The following TEDC1 variants were observed in gnomAD, a reference collection of about 807,000 sequenced individuals.
The protein encoded by TEDC1 is tubulin epsilon and delta complex protein 1.
In TEDC1, 54 loss-of-function variants were observed where a neutral mutation model predicts 59.9. That is an observed-to-expected ratio of 0.90 (90% confidence interval 0.72 to 1.13). The LOEUF is 1.13. Ranked by LOEUF, TEDC1 falls within the 50% of genes most tolerant of loss-of-function variation. The pLI is 0.00. For synonymous variants in TEDC1, 353 were observed against 298.1 expected (o/e 1.18, Z -1.90); for missense variants, 734 against 683.4 (o/e 1.07, Z -0.83).
rs782358864 is a variant in TEDC1 at position 105,498,909 on chromosome 14, G to C, written c.1451G>C (p.Arg484Pro). ...GAACTGGCCAGGCTGGTGGGAGCCC[G>C]CCCTGGTCTCATCTGGATCCCGCCA... ...RQELARLVGA[R>P]PGLIWIPPPG... is the part of the protein sequence containing the mutation. Residue 484 changes from arginine to proline, a missense_variant, in exon 9 of 9, where the codon CGC (arginine) becomes CCC (proline). Coordinates refer to ENST00000392523, the MANE Select transcript of TEDC1 (RefSeq NM_001367178.1). The C allele has an allele frequency of 8.7e-6, 14 of 1,610,516 alleles. No individual in the cohort carries two copies. Among genetic ancestry groups the C allele is most frequent in the Non-Finnish European group, 1.1e-5 (13 of 1,179,364 alleles).
chr14:105,490,886 G>C (rs1277996444), upstream of TEDC1: 3 of 859,756 alleles, frequency 3.5e-6, no homozygotes, highest in South Asian at 3.1e-5. Flanking sequence ...GGGGCGTGAG[G>C]CGCTGATGGG....
intron 8 of TEDC1, 111 bp downstream of exon 8, chr14:105,498,088 C>T (rs2084388399): frequency 2.3e-6 from 3 of 1,306,346 alleles, no homozygotes; most frequent in Non-Finnish European, 3.0e-6. Context: ...TCAAGCATGG[C>T]AGGGGACACA....
intron 2 of TEDC1, 103 bp from the exon 3 acceptor site, chr14:105,492,004 C>A: frequency 1.7e-6 from 2 of 1,206,164 alleles, no homozygotes; most frequent in Non-Finnish European, 2.3e-6. Flanking sequence ...CTGAACTAGG[C>A]CTTGAGCTTC....
In TEDC1 at chr14:105,493,882, T is replaced by C; in HGVS notation, c.633T>C (p.His211=). 1 of 1,604,466 alleles carries C rather than the reference T, an allele frequency of 6.2e-7. No individual in the cohort carries two copies. The highest frequency in any genetic ancestry group is 8.5e-7 in the Non-Finnish European group (1 of 1,179,378). The part of the protein sequence containing the change: ...RGCHSDQSLS[H]LSVTEAEMLR... The stretch of plus-strand genomic sequence containing the variant: ...GCCACAGCGACCAGAGCCTTAGCCA[T>C]CTGTCTGTCACTGAAGCAGAGATGC... The change falls in exon 5 of 9, where the codon CAT becomes CAC. Residue 211 remains histidine (H), a synonymous_variant. Transcript: ENST00000392523.
chr14:105,497,786 G>T lies in TEDC1; in HGVS notation c.979-12G>T. On this transcript the variant is annotated splice_polypyrimidine_tract_variant and intron_variant, in intron 7 of 8. Coordinates refer to ENST00000392523, the MANE Select transcript of TEDC1 (RefSeq NM_001367178.1). ...TGGCTTGGTGCACGCTGTCTCACTT[G>T]GGTCTCTGTAGGACACGGTCCTGGG... is the stretch of plus-strand genomic sequence containing the variant. The T allele has an allele frequency of 6.5e-7, 1 of 1,531,366 alleles. No homozygotes were observed. Among genetic ancestry groups the T allele is most frequent in the East Asian group, 2.4e-5 (1 of 42,200 alleles). 94.9% of individuals were successfully genotyped at this position (1,531,366 alleles called of 1,614,324 possible).
Position 105,498,610 on chromosome 14 carries a change from C to T in TEDC1, c.1159-7C>T, listed in dbSNP as rs782746734. The T allele has an allele frequency of 5.6e-5, 86 of 1,531,618 alleles. 1 individual carries two copies. In the South Asian group the frequency reaches 9.9e-4, roughly 18 times the overall value. The allele number at this position is 1,531,618 out of a possible 1,614,324, so 94.9% of individuals were successfully genotyped here. A position where few individuals can be genotyped will look rare whatever the true frequency, so the allele number is the denominator to read the frequency against. Reference sequence around the variant, plus strand: ...GGACAGAGCCATTGCCATTGTGTCCCACGCAGGCTGGAGGCTGTGGACGGG... The same window carrying T: ...GGACAGAGCCATTGCCATTGTGTCCTACGCAGGCTGGAGGCTGTGGACGGG... On this transcript the variant is annotated splice_polypyrimidine_tract_variant and splice_region_variant and intron_variant, in intron 8 of 8. Transcript: ENST00000392523.
chr14:105,490,739 C>G (rs868947767), upstream of TEDC1: 3 of 434,216 alleles, frequency 6.9e-6, no homozygotes, highest in South Asian at 6.4e-5. Flanking sequence ...GCGCGGCGGG[C>G]TCTGGGCGCC....
At chr14:105,490,903 C>T (rs1394346890), upstream of TEDC1, 3 of 973,128 alleles carry the variant, frequency 3.1e-6, no homozygotes, top group African/African-American at 4.8e-5. Context: ...TGGGTGGGGT[C>T]TGAGCGAGGC....
chr14:105,496,308 TG>T, intron 6 of TEDC1: 1 of 566,830 alleles, frequency 1.8e-6, no homozygotes, highest in Non-Finnish European at 3.1e-6. Context: ...GGTGGGCAGG[TG>T]GGCTGCAGCC....
chr14:105,497,661 C>T (rs587595777), intron 7 of TEDC1, 137 bp from the exon 8 acceptor site: 2 of 1,230,608 alleles, frequency 1.6e-6, no homozygotes, highest in Middle Eastern at 2.2e-4. Flanking sequence ...GGCCTTTGTG[C>T]CTCCCTGGAC....
rs1555440998 is a variant in TEDC1 at position 105,498,628 on chromosome 14, T to C, written c.1170T>C (p.Cys390=). The C allele has an allele frequency of 3.2e-6, 5 of 1,546,362 alleles. No homozygotes were observed. The highest frequency in any genetic ancestry group is 3.9e-5 in the Admixed American group (2 of 51,252). Residue 390 remains cysteine (C), a synonymous_variant, in exon 9 of 9, where the codon TGT becomes TGC. Coordinates refer to ENST00000392523, the MANE Select transcript of TEDC1 (RefSeq NM_001367178.1). ...RAAWEAKAGG[C]GRGPEWSAAR... Reference sequence around the variant, plus strand: ...TGTGTCCCACGCAGGCTGGAGGCTGTGGACGGGGGCCAGAGTGGAGTGCCG... The same window carrying C: ...TGTGTCCCACGCAGGCTGGAGGCTGCGGACGGGGGCCAGAGTGGAGTGCCG...
rs1339969591 is a variant in TEDC1, at chr14:105,491,481, C to T, written c.106C>T (p.Pro36Ser). The change falls in exon 1 of 9, where the codon CCC becomes TCC. Residue 36 changes from proline to serine, a missense_variant. Coordinates refer to ENST00000392523, the MANE Select transcript of TEDC1 (RefSeq NM_001367178.1). The stretch of plus-strand genomic sequence containing the variant: ...TCGGTCGCTGCCCTCGGGACCCAGC[C>T]CCGAGATCTTCCGCCGCGCCAAGTT... ...LSRSLPSGPS[P>S]EIFRRAKFDR... 4 of 1,487,764 alleles carry T rather than the reference C, an allele frequency of 2.7e-6. No individual in the cohort carries two copies. The highest frequency in any genetic ancestry group is 3.6e-6 in the Non-Finnish European group (4 of 1,119,312). 92.2% of individuals were successfully genotyped at this position (1,487,764 alleles called of 1,614,324 possible). A position where few individuals can be genotyped will look rare whatever the true frequency, so the allele number is the denominator to read the frequency against.
chr14:105,498,776 G>A lies in TEDC1; in HGVS notation c.1318G>A (p.Ala440Thr). The A allele has an allele frequency of 1.3e-6, 2 of 1,571,434 alleles. No individual in the cohort carries two copies. Among genetic ancestry groups the A allele is most frequent in the South Asian group, 1.2e-5 (1 of 85,882 alleles). ...PHRLVRREDG[A>T]AGDRDLRAAV... ...CCGGCTGGTGAGACGAGAGGATGGG[G>A]CAGCAGGGGACCGGGACCTGCGGGC... The change falls in exon 9 of 9, where the codon GCA becomes ACA. Residue 440 changes from alanine (A) to threonine (T), a missense_variant. By Grantham distance (58) the Ala-to-Thr change is moderately conservative. Transcript: ENST00000392523.
At chr14:105,498,101 T>A in intron 8 of TEDC1, 124 bp downstream of exon 8, 1 of 1,209,990 alleles carries the variant, frequency 8.3e-7, no homozygotes, top group Non-Finnish European at 1.1e-6. Context: ...GGGACACACT[T>A]AGAGGCACGT....
intron 4 of TEDC1, among the ~76,000 whole-genome samples, chr14:105,493,024 CTG>C (rs2084252559): frequency 6.6e-6 from 1 of 152,168 alleles, no homozygotes; most frequent in Non-Finnish European, 1.5e-5. Flanking sequence ...ACTTCCAGCT[CTG>C]TGAACAGTGG....
intron 6 of TEDC1, 139 bp from the exon 7 acceptor site, chr14:105,497,218 G>A (rs2084365908): frequency 1.1e-5 from 9 of 825,184 alleles, no homozygotes; most frequent in Non-Finnish European, 1.8e-5. Context: ...GAACCTGGGC[G>A]CAGGCAGGGG....
chr14:105,491,767 C>T, intron 2 of TEDC1, 67 bp downstream of exon 2: 1 of 1,487,634 alleles, frequency 6.7e-7, no homozygotes. Context: ...AAAGCCCCGC[C>T]TTCCCCAGTA....
rs1027648167 is a variant in TEDC1 at position 105,498,035 on chromosome 14, C to T, written c.1158+58C>T. 2.3e-5 allele frequency: 33 copies of T among 1,437,808 alleles called. No individual in the cohort carries two copies. In the African/African-American group the frequency reaches 3.9e-4, roughly 17 times the overall value. The allele number at this position is 1,437,808 out of a possible 1,614,324, so 89.1% of individuals were successfully genotyped here. On this transcript the variant is annotated intron_variant, in intron 8 of 8. Coordinates refer to ENST00000392523, the MANE Select transcript of TEDC1 (RefSeq NM_001367178.1). The stretch of plus-strand genomic sequence containing the variant: ...AGCCCCACCTTCGGGGGATGGCTGA[C>T]CTGAGGGCACTTTGGACTTGCTGAA...
At chr14:105,494,292 T>C (rs73371840) in intron 5 of TEDC1, 24,190 of 329,570 alleles carry the variant, frequency 0.073, 1,893 homozygotes, top group East Asian at 0.28. Flanking sequence ...CAGGTCTCAC[T>C]TGGTGTGTCA....
Sources: gnomAD v4.1 joint callset for allele counts (sites outside exome capture counted in the v4.1 genomes callset) on GRCh38, gnomAD v4.1.1 for gene constraint, MANE v1.5 for transcripts, NCBI Gene and HGNC (gene_info 2026-07-23, HGNC 2026-07-21) for gene names.